The following ESRRG variants were observed in gnomAD, a reference collection of about 807,000 sequenced individuals.
The protein encoded by ESRRG is estrogen related receptor gamma, also known as estrogen-related receptor gamma.
A neutral mutation model predicts 44.0 loss-of-function variants in ESRRG; 13 were observed. That is an observed-to-expected ratio of 0.30 (90% CI 0.19 to 0.47). ESRRG has a LOEUF of 0.47. Among genes scored for constraint, ESRRG ranks in the 20% least tolerant of loss-of-function variants. The pLI, the probability that ESRRG is intolerant of heterozygous loss-of-function variation, is 1.00. For missense variants in ESRRG, 395 were observed against 580.6 expected (o/e 0.68, Z 3.29); for synonymous variants, 215 against 214.6 (o/e 1.00, Z -0.02).
chr1:217,025,602 C>G (rs920716147), intron 1 of ESRRG, among the ~76,000 whole-genome samples: 1 of 152,154 alleles, frequency 6.6e-6, no homozygotes, highest in Non-Finnish European at 1.5e-5. Flanking sequence ...TCCCACCTGC[C>G]AAAGCTGTTT....
At chr1:216,975,289 C>T (rs887426576) in intron 1 of ESRRG, among the ~76,000 whole-genome samples, 1 of 152,188 alleles carries the variant, frequency 6.6e-6, no homozygotes, top group Non-Finnish European at 1.5e-5. Flanking sequence ...TGTCCTCTCT[C>T]TTACCAACCA....
intron 2 of ESRRG, among the ~76,000 whole-genome samples, chr1:216,804,289 A>G (rs1477014310): frequency 6.6e-6 from 1 of 152,114 alleles, no homozygotes; most frequent in Non-Finnish European, 1.5e-5. Context: ...CTTACCAGTG[A>G]CTGACGCTCG....
intron 3 of ESRRG, among the ~76,000 whole-genome samples, chr1:216,611,454 T>C (rs1474540829): frequency 3.9e-5 from 6 of 152,136 alleles, no homozygotes; most frequent in Non-Finnish European, 8.8e-5. Context: ...GTCTACTTAA[T>C]GTAACACACA....
chr1:216,665,960 A>C (rs1435167443), intron 2 of ESRRG, among the ~76,000 whole-genome samples: 4 of 152,176 alleles, frequency 2.6e-5, no homozygotes, highest in Non-Finnish European at 5.9e-5. Context: ...AAATTGTCTA[A>C]GTTCATCTAG....
chr1:217,081,313 C>T (rs1028370634), intron 1 of ESRRG, among the ~76,000 whole-genome samples: 5 of 134,914 alleles, frequency 3.7e-5, no homozygotes, highest in African/African-American at 1.1e-4. Context: ...CCGCAACCTC[C>T]GACTCCTGGG....
rs779554899 is a variant in ESRRG, at chr1:217,078,575, G to A, written c.-106+10932C>T. Among the ~76,000 whole-genome samples the A allele has an allele frequency of 4.6e-5, 7 of 152,154 alleles. No homozygotes were observed. In the South Asian group the frequency reaches 6.2e-4, roughly 14 times the overall value. On this transcript the variant is annotated intron_variant, in intron 1 of 7. Coordinates refer to the ESRRG transcript ENST00000359162. The stretch of plus-strand genomic sequence containing the variant: ...CAGGTTTCATCTCAGGTATGTTAGC[G>A]CAGTCCCTGGGAAACCACACACTGT...
intron 2 of ESRRG, among the ~76,000 whole-genome samples, chr1:216,881,214 T>C (rs537676250): frequency 1.3e-5 from 2 of 152,278 alleles, no homozygotes; most frequent in South Asian, 2.1e-4. Context: ...ATTCCATAAT[T>C]TCCTCACTAA....
intron 5 of ESRRG, among the ~76,000 whole-genome samples, chr1:216,524,230 CATAT>C (rs200660943): frequency 7.4e-6 from 1 of 134,618 alleles, no homozygotes; most frequent in Non-Finnish European, 1.6e-5. Context: ...TATATATATA[CATAT>C]ATATATATAT....
intron 2 of ESRRG, among the ~76,000 whole-genome samples, chr1:216,796,065 T>C (rs2094463186): frequency 6.6e-6 from 1 of 152,158 alleles, no homozygotes; most frequent in South Asian, 2.1e-4. Context: ...TGGCTGAAAC[T>C]TGGCCTCAAC....
At chr1:217,094,318 G>T (rs2092393296), upstream of ESRRG, among the ~76,000 whole-genome samples, 1 of 152,202 alleles carries the variant, frequency 6.6e-6, no homozygotes, top group Admixed American at 6.5e-5. Context: ...AATTTGATAT[G>T]AATGGATCCA....
At chr1:216,621,052 A>G (rs574903637) in intron 3 of ESRRG, among the ~76,000 whole-genome samples, 2 of 152,238 alleles carry the variant, frequency 1.3e-5, no homozygotes, top group South Asian at 4.1e-4. Flanking sequence ...ACAACATCCA[A>G]TGAATATGGA....
intron 2 of ESRRG, among the ~76,000 whole-genome samples, chr1:216,829,364 C>T (rs775383885): frequency 2.6e-5 from 4 of 152,042 alleles, no homozygotes; most frequent in Admixed American, 6.6e-5. Flanking sequence ...AGATACTGTG[C>T]AAGATTCTTT....
chr1:216,813,985 A>G (rs1269687927), intron 2 of ESRRG, among the ~76,000 whole-genome samples: 1 of 152,044 alleles, frequency 6.6e-6, no homozygotes, highest in Non-Finnish European at 1.5e-5. Flanking sequence ...TTTGTCATTT[A>G]TTTTCCAATG....
At chr1:216,874,585 A>G (rs1391614818) in intron 2 of ESRRG, among the ~76,000 whole-genome samples, 1 of 152,152 alleles carries the variant, frequency 6.6e-6, no homozygotes, top group Non-Finnish European at 1.5e-5. Context: ...AAAGGTAACC[A>G]TTCTCTTGTA....
chr1:216,950,363 C>A (rs143798019), intron 1 of ESRRG, among the ~76,000 whole-genome samples: 7 of 152,076 alleles, frequency 4.6e-5, no homozygotes, highest in South Asian at 2.1e-4. Flanking sequence ...AGGAAATTCA[C>A]GATTTATGTG....
chr1:216,899,583 TTCAACATGTGAACACTTAAAGGTAA>T (rs2058827048), intron 2 of ESRRG, among the ~76,000 whole-genome samples: 1 of 152,184 alleles, frequency 6.6e-6, no homozygotes, highest in South Asian at 2.1e-4. Flanking sequence ...CCTCTCTGAC[TTCAACATGTGAACACTTAAAGGTAA>T]TCACCAGCCA....
chr1:216,557,718 A>C (rs1483349357), intron 5 of ESRRG, among the ~76,000 whole-genome samples: 2 of 152,228 alleles, frequency 1.3e-5, no homozygotes, highest in Non-Finnish European at 2.9e-5. Context: ...TAAAGTTGTA[A>C]ACCAAATAGA....
At chr1:216,775,648 C>T (rs1489222496) in intron 2 of ESRRG, among the ~76,000 whole-genome samples, 1 of 138,790 alleles carries the variant, frequency 7.2e-6, no homozygotes, top group Non-Finnish European at 1.5e-5. Flanking sequence ...ACTTTCCAGA[C>T]TCAGGTGATC....
intron 2 of ESRRG, among the ~76,000 whole-genome samples, chr1:216,799,437 A>G (rs192718844): frequency 1.5e-3 from 230 of 151,774 alleles, no homozygotes; most frequent in African/African-American, 5.4e-3. Context: ...TCAGGATAGG[A>G]GGTGACGATT....
Sources: allele counts gnomAD v4.1 joint callset (sites outside exome capture counted in the v4.1 genomes callset), GRCh38; gene constraint gnomAD v4.1.1; transcripts MANE v1.5; gene names NCBI Gene and HGNC (gene_info 2026-07-23, HGNC 2026-07-21).